Variants in SLIT3 observed in about 807,000 individuals in gnomAD.
The protein encoded by SLIT3 is slit guidance ligand 3.
A neutral mutation model predicts 184.0 loss-of-function variants in SLIT3; 68 were observed. That is an observed-to-expected ratio of 0.37 (90% confidence interval 0.30 to 0.45). The LOEUF (loss-of-function observed/expected upper bound fraction) is 0.45. SLIT3 is among the 20% of genes least tolerant of loss of function. SLIT3 has a pLI of 1.00. For missense variants in SLIT3, 1,707 were observed against 2,026.0 expected (o/e 0.84, Z 3.02); for synonymous variants, 831 against 828.6 (o/e 1.00, Z -0.05).
At chr5:168,719,146 G>A (rs1711160776) in intron 23 of SLIT3, among the ~76,000 whole-genome samples, 1 of 152,190 alleles carries the variant, frequency 6.6e-6, no homozygotes, top group South Asian at 2.1e-4. Context: ...CCACTTGCCT[G>A]CCTCAATTGA....
At chr5:168,740,796 T>C (rs1763605040) in intron 20 of SLIT3, among the ~76,000 whole-genome samples, 1 of 152,234 alleles carries the variant, frequency 6.6e-6, no homozygotes, top group African/African-American at 2.4e-5. Context: ...TACTTTATAA[T>C]TGCAGCCAAT....
chr5:169,240,573 CATTTT>C (rs1344770301), intron 3 of SLIT3, among the ~76,000 whole-genome samples: 1 of 107,068 alleles, frequency 9.3e-6, no homozygotes, highest in Non-Finnish European at 1.9e-5. Flanking sequence ...TTCATGCTAT[CATTTT>C]CTTTTTTTTT....
At chr5:169,102,984 G>A (rs183437193) in intron 4 of SLIT3, among the ~76,000 whole-genome samples, 3 of 152,136 alleles carry the variant, frequency 2.0e-5, no homozygotes, top group East Asian at 1.9e-4. Flanking sequence ...CTGAATCTTC[G>A]CTAAAACTTG....
At chr5:168,793,074 G>T in intron 10 of SLIT3, among the ~76,000 whole-genome samples, 1 of 152,132 alleles carries the variant, frequency 6.6e-6, no homozygotes, top group Non-Finnish European at 1.5e-5. Flanking sequence ...TCCAAACTTT[G>T]AAAAATTCAG....
chr5:168,794,648 C>G (rs893043174), intron 10 of SLIT3, among the ~76,000 whole-genome samples: 17 of 152,132 alleles, frequency 1.1e-4, no homozygotes, highest in African/African-American at 3.6e-4. Flanking sequence ...CCATACCCTC[C>G]GAGGCTTCTC....
At chr5:169,072,732 C>A (rs960221469) in intron 4 of SLIT3, among the ~76,000 whole-genome samples, 1 of 152,214 alleles carries the variant, frequency 6.6e-6, no homozygotes, top group Non-Finnish European at 1.5e-5. Context: ...CATACCAGAT[C>A]TTCTGCACGG....
At chr5:168,964,990 A>G (rs1763135861) in intron 4 of SLIT3, among the ~76,000 whole-genome samples, 1 of 152,036 alleles carries the variant, frequency 6.6e-6, no homozygotes, top group Admixed American at 6.6e-5. Context: ...CGTGTCTGAG[A>G]CTCACCCAGG....
chr5:169,178,849 C>G (rs1763062422), intron 4 of SLIT3, among the ~76,000 whole-genome samples: 1 of 152,122 alleles, frequency 6.6e-6, no homozygotes, highest in African/African-American at 2.4e-5. Context: ...TCAGGTTGTT[C>G]CTAACAGCAG....
intron 3 of SLIT3, among the ~76,000 whole-genome samples, chr5:169,218,156 C>G (rs1315217851): frequency 6.6e-6 from 1 of 152,144 alleles, no homozygotes; most frequent in Non-Finnish European, 1.5e-5. Flanking sequence ...CTGTTTGTAC[C>G]AGCTGCATGC....
chr5:169,131,813 A>C (rs1199436445), intron 4 of SLIT3, among the ~76,000 whole-genome samples: 1 of 152,214 alleles, frequency 6.6e-6, no homozygotes, highest in Admixed American at 6.5e-5. Context: ...AACTCCCTGT[A>C]CTTCCCTTGC....
intron 4 of SLIT3, among the ~76,000 whole-genome samples, chr5:169,145,202 C>A (rs929569078): frequency 1.3e-5 from 2 of 152,132 alleles, no homozygotes; most frequent in African/African-American, 4.8e-5. Context: ...ACCAGAATTG[C>A]CGGGCTCTGG....
chr5:168,783,896 G>A (rs747104673), intron 12 of SLIT3, among the ~76,000 whole-genome samples: 3 of 152,136 alleles, frequency 2.0e-5, no homozygotes, highest in African/African-American at 4.8e-5. Context: ...CAAGCTACTC[G>A]ATTCCATCTG....
intron 4 of SLIT3, among the ~76,000 whole-genome samples, chr5:169,129,784 T>C (rs1163085338): frequency 1.3e-5 from 2 of 152,196 alleles, no homozygotes; most frequent in Non-Finnish European, 2.9e-5. Flanking sequence ...TTTGGAGTTC[T>C]GTTAATAGTA....
intron 4 of SLIT3, among the ~76,000 whole-genome samples, chr5:169,154,530 A>T (rs1188054685): frequency 6.6e-6 from 1 of 152,220 alleles, no homozygotes; most frequent in Admixed American, 6.5e-5. Flanking sequence ...ATCCTGAGAG[A>T]GGGACTGTTG....
At chr5:169,109,811 A>G (rs1247839026) in intron 4 of SLIT3, among the ~76,000 whole-genome samples, 1 of 152,182 alleles carries the variant, frequency 6.6e-6, no homozygotes, top group African/African-American at 2.4e-5. Context: ...GACTTCACTC[A>G]TGAGGCTCTG....
At chr5:169,263,239 G>A (rs185458112) in intron 1 of SLIT3, among the ~76,000 whole-genome samples, 38 of 152,278 alleles carry the variant, frequency 2.5e-4, no homozygotes, top group Non-Finnish European at 4.4e-4. Context: ...ATACTCAGGA[G>A]GCTGAGGTGG....
chr5:169,245,233 A>G (rs908770142), intron 2 of SLIT3, among the ~76,000 whole-genome samples: 1 of 152,090 alleles, frequency 6.6e-6, no homozygotes, highest in African/African-American at 2.4e-5. Context: ...TGTCGCTAAG[A>G]AAACCAGCCT....
At chr5:169,270,488 C>G (rs1240061328) in intron 1 of SLIT3, among the ~76,000 whole-genome samples, 4 of 152,044 alleles carry the variant, frequency 2.6e-5, no homozygotes, top group African/African-American at 9.7e-5. Flanking sequence ...TTTCAGTATC[C>G]ATAAATACAG....
intron 5 of SLIT3, among the ~76,000 whole-genome samples, chr5:168,848,894 C>T (rs984468268): frequency 1.3e-5 from 2 of 152,106 alleles, no homozygotes; most frequent in South Asian, 2.1e-4. Context: ...TGTGAAATTT[C>T]GTAATTGAAG....
Sources: gnomAD v4.1 joint callset for allele counts (sites outside exome capture counted in the v4.1 genomes callset) on GRCh38, gnomAD v4.1.1 for gene constraint, MANE v1.5 for transcripts, NCBI Gene and HGNC (gene_info 2026-07-23, HGNC 2026-07-21) for gene names.